The following UNC13C variants were observed in gnomAD, a reference collection of about 807,000 sequenced individuals.
UNC13C encodes unc-13 homolog C, also known as protein unc-13 homolog C.
UNC13C carries 174 observed loss-of-function variants against 245.4 expected under a neutral mutation model. The ratio of observed to expected loss-of-function variants is 0.71; its 90% CI spans 0.63 to 0.80. The LOEUF (loss-of-function observed/expected upper bound fraction) is 0.80, where lower values mean the gene tolerates loss of function less well. Ranked by LOEUF, UNC13C falls within the 30% of genes least tolerant of loss-of-function variation. UNC13C has a pLI of 0.00. For missense variants in UNC13C, 2,829 were observed against 2,602.9 expected (o/e 1.09, Z -1.89); for synonymous variants, 992 against 895.1 (o/e 1.11, Z -1.93).
At chr15:54,026,454 A>G (rs1013499161) in intron 2 of UNC13C, among the ~76,000 whole-genome samples, 15 of 152,186 alleles carry the variant, frequency 9.9e-5, no homozygotes, top group African/African-American at 3.6e-4. Flanking sequence ...CCTGTAATAC[A>G]AACTTTGGGA....
At chr15:54,103,109 T>A (rs1259730858) in intron 2 of UNC13C, among the ~76,000 whole-genome samples, 4 of 152,224 alleles carry the variant, frequency 2.6e-5, no homozygotes, top group African/African-American at 9.6e-5. Context: ...TTCTGCAGTA[T>A]TTTTCTCAGA....
chr15:54,180,764 T>C (rs2033770871), intron 4 of UNC13C, among the ~76,000 whole-genome samples: 1 of 150,808 alleles, frequency 6.6e-6, no homozygotes, highest in South Asian at 2.1e-4. Flanking sequence ...GAATTTTTTT[T>C]CATATATTTG....
chr15:53,933,449 G>A, the UNC13C span, among the ~76,000 whole-genome samples: 150,338 of 152,276 alleles, frequency 0.99, 74,239 homozygotes, highest in Middle Eastern at 1. Flanking sequence ...ACTATAATGT[G>A]GTTAGACATT....
intron 18 of UNC13C, among the ~76,000 whole-genome samples, chr15:54,412,393 C>T (rs996691063): frequency 3.9e-5 from 6 of 152,052 alleles, no homozygotes; most frequent in Non-Finnish European, 7.4e-5. Context: ...AACTGCCAAA[C>T]GCTTTTAAAA....
intron 30 of UNC13C, among the ~76,000 whole-genome samples, chr15:54,617,401 A>G (rs1399366916): frequency 6.6e-6 from 1 of 152,002 alleles, no homozygotes; most frequent in Non-Finnish European, 1.5e-5. Flanking sequence ...CTGTTCAATG[A>G]GCATCAGAGC....
rs1285108808 is a variant in UNC13C, at chr15:54,552,697, T to TACAA, written c.5878-2735_5878-2734insACAA. On this transcript the variant is annotated intron_variant, in intron 28 of 32. Transcript: ENST00000260323. ...TATAATATAATTATATAATTATATA[T>TACAA]TATATATAATTATATTATATTGTAC... is the stretch of plus-strand genomic sequence containing the variant. 1.5e-3 allele frequency among the ~76,000 whole-genome samples: 130 copies of TACAA among 87,750 alleles called. 1 individual carries two copies. The highest frequency in any genetic ancestry group is 2.4e-3 in the Non-Finnish European group (124 of 51,696). The allele number at this position is 87,750 out of a possible 152,430, so 57.6% of individuals were successfully genotyped here.
intron 4 of UNC13C, among the ~76,000 whole-genome samples, chr15:54,168,076 A>G (rs941126708): frequency 2.0e-5 from 3 of 152,256 alleles, no homozygotes; most frequent in Non-Finnish European, 2.9e-5. Context: ...GAGCAAGTAT[A>G]GTAAAATAAT....
In UNC13C at chr15:53,984,007, G is replaced by A. The variant is rs112780720; in HGVS notation, c.-257+5080G>A. Among the ~76,000 whole-genome samples, 355 of 151,846 alleles carry A rather than the reference G, an allele frequency of 2.3e-3. 1 individual carries two copies. Among genetic ancestry groups the A allele is most frequent in the African/African-American group, 7.7e-3 (319 of 41,412 alleles). On this transcript the variant is annotated intron_variant, in intron 1 of 32. Coordinates refer to ENST00000260323, the MANE Select transcript of UNC13C (RefSeq NM_001080534.3). ...CTAGTTCAAGTTCTTATAACTTTACGCCTGGAATACTGCTTGAATCTTCCA... is the reference window on the plus strand; with the variant it reads ...CTAGTTCAAGTTCTTATAACTTTACACCTGGAATACTGCTTGAATCTTCCA...
chr15:53,954,386 T>C, the UNC13C span, among the ~76,000 whole-genome samples: 1 of 152,210 alleles, frequency 6.6e-6, no homozygotes, highest in African/African-American at 2.4e-5. Flanking sequence ...TAATTATAAA[T>C]ATATTTAAAA....
chr15:54,166,979 G>T (rs998486502), intron 4 of UNC13C, among the ~76,000 whole-genome samples: 3 of 152,022 alleles, frequency 2.0e-5, no homozygotes, highest in Admixed American at 6.5e-5. Context: ...TGACAATCTG[G>T]TTCTAAAATT....
At chr15:54,556,910 A>C (rs887960032) in intron 29 of UNC13C, among the ~76,000 whole-genome samples, 3 of 152,042 alleles carry the variant, frequency 2.0e-5, no homozygotes, top group African/African-American at 7.2e-5. Context: ...CTGTGTTCAC[A>C]GATCTGGCTT....
the UNC13C span, among the ~76,000 whole-genome samples, chr15:53,906,202 T>C: frequency 6.6e-6 from 1 of 152,204 alleles, no homozygotes; most frequent in East Asian, 1.9e-4. Context: ...GGTGCATGCG[T>C]GTAGTCCCAG....
Position 54,013,312 on chromosome 15 carries a change from A to C in UNC13C, c.409A>C (p.Ser137Arg). The C allele has an allele frequency of 1.2e-6, 2 of 1,613,904 alleles. No individual in the cohort carries two copies. Among genetic ancestry groups the C allele is most frequent in the South Asian group, 2.2e-5 (2 of 91,086 alleles). ...AGAATCATTAAATGAACTAAGGAGT[A>C]GCACAGAAAACCAGGCACAATCAAC... ...YSESLNELRS[S>R]TENQAQSTHT... The change falls in exon 2 of 33, where the codon AGC becomes CGC. Residue 137 changes from serine to arginine, a missense_variant. Physicochemically the swap from Ser to Arg is moderately radical, Grantham distance 110. Coordinates refer to ENST00000260323, the MANE Select transcript of UNC13C (RefSeq NM_001080534.3).
At chr15:54,612,381 A>C (rs185621405) in intron 30 of UNC13C, among the ~76,000 whole-genome samples, 39 of 152,096 alleles carry the variant, frequency 2.6e-4, no homozygotes, top group Non-Finnish European at 4.7e-4. Context: ...TTTAGAGTTT[A>C]TTTATTTATA....
chr15:54,317,098 A>G lies in UNC13C; in HGVS notation c.4269-4841A>G, dbSNP rs550074036. Among the ~76,000 whole-genome samples, 8 of 152,114 alleles carry G rather than the reference A, an allele frequency of 5.3e-5. No homozygotes were observed. In the South Asian group the frequency reaches 1.7e-3, roughly 32 times the overall value. ...GGTTAAATACTATAAAACTCTTAGA[A>G]TAAATTATAATACTAATTCTAATCA... On this transcript the variant is annotated intron_variant, in intron 13 of 32. Coordinates refer to ENST00000260323, the MANE Select transcript of UNC13C (RefSeq NM_001080534.3).
At chr15:53,955,201 C>A in the UNC13C span, among the ~76,000 whole-genome samples, 9 of 152,014 alleles carry the variant, frequency 5.9e-5, no homozygotes, top group African/African-American at 2.2e-4. Context: ...GCCACAGATG[C>A]TGAATTGCTT....
chr15:54,615,286 A>AT (rs1900355917), intron 30 of UNC13C, among the ~76,000 whole-genome samples: 1 of 152,040 alleles, frequency 6.6e-6, no homozygotes. Flanking sequence ...CTATTGTACT[A>AT]CCAAAAAGAG....
At chr15:54,353,783 C>T (rs1218318962) in intron 17 of UNC13C, among the ~76,000 whole-genome samples, 1 of 152,194 alleles carries the variant, frequency 6.6e-6, no homozygotes, top group Admixed American at 6.5e-5. Flanking sequence ...AAATGCCATC[C>T]TCTACCAGGC....
At chr15:54,523,471 A>G (rs1566886867) in intron 24 of UNC13C, among the ~76,000 whole-genome samples, 2 of 152,200 alleles carry the variant, frequency 1.3e-5, no homozygotes, top group Non-Finnish European at 2.9e-5. Context: ...CCAGAAATTA[A>G]AACTGTCATC....
Sources: gnomAD v4.1 joint callset for allele counts (sites outside exome capture counted in the v4.1 genomes callset) on GRCh38, gnomAD v4.1.1 for gene constraint, MANE v1.5 for transcripts, NCBI Gene and HGNC (gene_info 2026-07-23, HGNC 2026-07-21) for gene names.